Variants in EPB41 observed in about 807,000 individuals in gnomAD.
The protein encoded by EPB41 is erythrocyte membrane protein band 4.1.
Under a neutral mutation model 108.0 loss-of-function variants are expected in EPB41, and 65 were observed. The ratio of observed to expected loss-of-function variants is 0.60; its 90% confidence interval spans 0.49 to 0.74. The LOEUF is 0.74. Among genes scored for constraint, EPB41 ranks in the 30% least tolerant of loss-of-function variants. The probability of loss-of-function intolerance (pLI) is 0.00; values close to 1 mark genes in which losing one functional copy is unlikely to be tolerated. For synonymous variants in EPB41, 336 were observed against 358.9 expected (o/e 0.94, Z 0.72); for missense variants, 875 against 1,037.0 (o/e 0.84, Z 2.15).
At chr1:28,966,568 G>T (rs1007766953) in intron 1 of EPB41, among the ~76,000 whole-genome samples, 3 of 152,160 alleles carry the variant, frequency 2.0e-5, no homozygotes, top group Non-Finnish European at 4.4e-5. Context: ...AAACCATATA[G>T]TATGTCATTA....
chr1:28,943,762 G>T (rs2094389930), intron 1 of EPB41, among the ~76,000 whole-genome samples: 1 of 152,200 alleles, frequency 6.6e-6, no homozygotes. Context: ...TACACTGTTG[G>T]TGGGAATGCA....
At chr1:29,017,461 T>C (rs2096591885) in intron 6 of EPB41, among the ~76,000 whole-genome samples, 1 of 152,174 alleles carries the variant, frequency 6.6e-6, no homozygotes, top group South Asian at 2.1e-4. Flanking sequence ...GAGAGAAAAG[T>C]GTCAGCGTGG....
At chr1:28,906,369 G>A (rs2091828044) in intron 1 of EPB41, among the ~76,000 whole-genome samples, 1 of 152,222 alleles carries the variant, frequency 6.6e-6, no homozygotes, top group Admixed American at 6.5e-5. Context: ...TTAGAAGACT[G>A]TCAGCTAGTA....
At position 28,935,471 on chromosome 1, in the gene EPB41, C is replaced by CA. The variant is rs1557725675; in HGVS notation, c.-8+20703_-8+20704insA. On this transcript the variant is annotated intron_variant, in intron 1 of 20. Coordinates refer to ENST00000343067, the MANE Select transcript of EPB41 (RefSeq NM_001376013.1). Reference sequence around the variant, plus strand: ...CACACACACACACACACACACACCCCCCCCCCCCCAAGATCTACGCACTAA... The same window carrying CA: ...CACACACACACACACACACACACCCCACCCCCCCCCAAGATCTACGCACTAA... 8.1e-5 allele frequency among the ~76,000 whole-genome samples: 4 copies of CA among 49,508 alleles called. 1 individual carries two copies. The highest frequency in any genetic ancestry group is 1.6e-4 in the African/African-American group (2 of 12,634). The allele number at this position is 49,508 out of a possible 152,430, so 32.5% of individuals were successfully genotyped here.
rs561329874 is a variant in EPB41 at position 28,987,691 on chromosome 1, C to G, written c.254C>G (p.Ser85Trp). 2 of 1,614,162 alleles carry G rather than the reference C, an allele frequency of 1.2e-6. No homozygotes were observed. The highest frequency in any genetic ancestry group is 1.1e-5 in the South Asian group (1 of 91,076). The part of the protein sequence containing the change: ...ESRGLSRLFS[S>W]FLKRPKSQVS... ...AGAGGACTTTCACGACTATTCTCCTCGTTTCTCAAAAGGCCCAAATCTCAG... is the reference window on the plus strand; with the variant it reads ...AGAGGACTTTCACGACTATTCTCCTGGTTTCTCAAAAGGCCCAAATCTCAG... Residue 85 changes from serine to tryptophan, a missense_variant, in exon 2 of 21, where the codon TCG becomes TGG. By Grantham distance (177) the Ser-to-Trp change is radical (BLOSUM62 -3). Around this residue, in one of 3 missense-constraint regions of EPB41, gnomAD observed 353 missense variants for 393.2 expected, o/e 0.90. Transcript: ENST00000343067.
intron 11 of EPB41, among the ~76,000 whole-genome samples, chr1:29,039,935 C>T (rs574895175): frequency 7.9e-5 from 12 of 152,332 alleles, no homozygotes; most frequent in Admixed American, 3.9e-4. Flanking sequence ...CATGGTTCCA[C>T]TGCTAGGTAG....
intron 16 of EPB41, among the ~76,000 whole-genome samples, chr1:29,074,154 A>G (rs1652830039): frequency 6.6e-6 from 1 of 152,182 alleles, no homozygotes; most frequent in African/African-American, 2.4e-5. Flanking sequence ...AATATGAGAC[A>G]TGGTCTCATT....
intron 1 of EPB41, chr1:28,902,428 T>C: frequency 2.1e-6 from 2 of 971,210 alleles, no homozygotes; most frequent in Non-Finnish European, 2.4e-6. Flanking sequence ...GCTTTTTGTT[T>C]TTCAGCAGAA....
At chr1:29,060,363 G>T (rs142735199) in intron 14 of EPB41, 59 bp from the exon 15 acceptor site, 12 of 1,559,236 alleles carry the variant, frequency 7.7e-6, no homozygotes, top group South Asian at 4.5e-5. Flanking sequence ...GTTTTTTCCC[G>T]CAAGAACAAC....
intron 11 of EPB41, 28 bp from the exon 12 acceptor site, chr1:29,053,065 GGCCTTTACTTA>G: frequency 6.2e-7 from 1 of 1,605,380 alleles, no homozygotes; most frequent in Non-Finnish European, 8.5e-7. Flanking sequence ...CAGTAGCTCT[GGCCTTTACTTA>G]TGCTTCCCTT....
At chr1:29,046,407 G>GT (rs1246871496) in intron 11 of EPB41, among the ~76,000 whole-genome samples, 1 of 152,138 alleles carries the variant, frequency 6.6e-6, no homozygotes, top group Non-Finnish European at 1.5e-5. Flanking sequence ...GATTACAAGC[G>GT]TGAGCCACCA....
intron 1 of EPB41, among the ~76,000 whole-genome samples, chr1:28,892,093 C>CAAAAAAAAAAAAAAAA (rs748788169): frequency 2.9e-5 from 2 of 69,810 alleles, no homozygotes; most frequent in Admixed American, 1.9e-4. Context: ...GACTGCATCT[C>CAAAAAAAAAAAAAAAA]AAAAAAAAAA....
chr1:28,987,039 C>A (rs1480169844), intron 1 of EPB41, among the ~76,000 whole-genome samples: 1 of 152,080 alleles, frequency 6.6e-6, no homozygotes, highest in Non-Finnish European at 1.5e-5. Context: ...GGGAATAATT[C>A]CTGCAAATCC....
chr1:28,887,652 G>A lies in EPB41; in HGVS notation c.-8+442G>A. 9.1e-6 allele frequency: 9 copies of A among 985,288 alleles called. No homozygotes were observed. The highest frequency in any genetic ancestry group is 1.1e-5 in the Non-Finnish European group (9 of 829,858). 61.0% of individuals were successfully genotyped at this position (985,288 alleles called of 1,614,324 possible). ...GGAGCGGGCTGGCGGCTAGCAGCGG[G>A]AGGGGGCTCCGGGGCCTGGAGCCCC... On this transcript the variant is annotated intron_variant, in intron 1 of 16. Coordinates refer to the EPB41 transcript ENST00000347529. The surrounding 1 kb of genome is among the most constrained non-coding windows in gnomAD (Gnocchi z 4.9).
chr1:29,081,916 G>A (rs1216838927), intron 16 of EPB41, among the ~76,000 whole-genome samples: 1 of 151,024 alleles, frequency 6.6e-6, no homozygotes, highest in Non-Finnish European at 1.5e-5. Flanking sequence ...TGTGATCTAA[G>A]TAAAATAACT....
chr1:28,990,494 C>T (rs921065326), intron 2 of EPB41, among the ~76,000 whole-genome samples: 11 of 151,544 alleles, frequency 7.3e-5, no homozygotes, highest in African/African-American at 2.7e-4. Flanking sequence ...GATCATGGCT[C>T]ACTACAGCCT....
chr1:29,039,187 T>G, intron 10 of EPB41, 67 bp from the exon 11 acceptor site: 1 of 1,507,730 alleles, frequency 6.6e-7, no homozygotes, highest in East Asian at 2.5e-5. Flanking sequence ...ATTTTGTTTT[T>G]AATTTTACAG....
chr1:29,031,012 G>A (rs1054163488), intron 8 of EPB41, among the ~76,000 whole-genome samples: 3 of 151,884 alleles, frequency 2.0e-5, no homozygotes, highest in East Asian at 2.0e-4. Flanking sequence ...TAGTAGAGAC[G>A]GGGTTTCACC....
chr1:28,909,851 G>A (rs878884559), upstream of EPB41, among the ~76,000 whole-genome samples: 1 of 152,096 alleles, frequency 6.6e-6, no homozygotes, highest in Admixed American at 6.5e-5. Flanking sequence ...AAGGGTGGGT[G>A]TGGTGTCTCA....
Sources: gnomAD v4.1 joint callset for allele counts (sites outside exome capture counted in the v4.1 genomes callset) on GRCh38, gnomAD v4.1.1 for gene constraint, gnomAD v4.1.1 regional missense constraint, Gnocchi (gnomAD v3.1) non-coding constraint, MANE v1.5 for transcripts, NCBI Gene and HGNC (gene_info 2026-07-23, HGNC 2026-07-21) for gene names.